Variants in PSME4 observed in about 807,000 individuals in gnomAD.
PSME4 encodes proteasome activator subunit 4.
Under a neutral mutation model 253.9 loss-of-function variants are expected in PSME4, and 89 were observed. That is an observed-to-expected ratio of 0.35 (90% CI 0.30 to 0.42). The LOEUF (loss-of-function observed/expected upper bound fraction) is 0.42, where lower values mean the gene tolerates loss of function less well. PSME4 is among the 10% of genes least tolerant of loss of function. The probability of loss-of-function intolerance (pLI) is 1.00; values close to 1 mark genes in which losing one functional copy is unlikely to be tolerated. For synonymous variants in PSME4, 851 were observed against 759.2 expected, an observed-to-expected ratio of 1.12 and a Z score of -1.99; for missense variants, 2,014 against 2,195.2, an observed-to-expected ratio of 0.92 and a Z score of 1.65.
chr2:53,942,835 C>T (rs891624111), intron 3 of PSME4, among the ~76,000 whole-genome samples: 2 of 152,186 alleles, frequency 1.3e-5, no homozygotes, highest in African/African-American at 4.8e-5. Context: ...TCCTCCCCAA[C>T]TGCCACCCTA....
At chr2:53,922,975 T>C (rs945116432) in intron 16 of PSME4, 74 bp downstream of exon 16, 1 of 1,174,160 alleles carries the variant, frequency 8.5e-7, no homozygotes, top group Admixed American at 2.6e-5. Context: ...TCTGTTGTCA[T>C]TAACAGAGTT....
At chr2:53,932,203 T>C (rs955815909) in intron 9 of PSME4, 103 bp from the exon 10 acceptor site, 2 of 1,084,436 alleles carry the variant, frequency 1.8e-6, no homozygotes, top group Admixed American at 4.5e-5. Flanking sequence ...AAAATAACAG[T>C]TCTTATTATC....
At chr2:53,921,783 G>A (rs144135685) in intron 17 of PSME4, among the ~76,000 whole-genome samples, 2 of 135,958 alleles carry the variant, frequency 1.5e-5, no homozygotes, top group Non-Finnish European at 3.2e-5. Context: ...CAGGAGAATG[G>A]CGTGAACCCG....
intron 12 of PSME4, among the ~76,000 whole-genome samples, chr2:53,926,735 G>A (rs984754524): frequency 2.0e-5 from 3 of 151,774 alleles, no homozygotes; most frequent in African/African-American, 7.3e-5. Flanking sequence ...GCATTTGGGA[G>A]GTCAAGGCGG....
chr2:53,918,754 A>G (rs1395627350), intron 20 of PSME4, among the ~76,000 whole-genome samples: 6 of 152,240 alleles, frequency 3.9e-5, no homozygotes, highest in Non-Finnish European at 8.8e-5. Flanking sequence ...ATCATAATGA[A>G]TAAGATTGAA....
chr2:53,954,844 A>C (rs1488257099), intron 1 of PSME4, among the ~76,000 whole-genome samples: 1 of 152,006 alleles, frequency 6.6e-6, no homozygotes. Context: ...TCTCAAAAAA[A>C]AAAATAACAA....
intron 20 of PSME4, among the ~76,000 whole-genome samples, chr2:53,916,180 G>T (rs1668054400): frequency 6.6e-6 from 1 of 151,018 alleles, no homozygotes; most frequent in Non-Finnish European, 1.5e-5. Context: ...CCAGGAGGTG[G>T]AGGTCGCAGT....
At chr2:53,922,733 T>C (rs1668382771) in intron 16 of PSME4, 149 bp from the exon 17 acceptor site, 1 of 1,072,570 alleles carries the variant, frequency 9.3e-7, no homozygotes, top group East Asian at 2.7e-5. Flanking sequence ...GCTGAGCTTG[T>C]TCCAAAAGGA....
intron 29 of PSME4, among the ~76,000 whole-genome samples, chr2:53,898,867 A>G (rs750422158): frequency 6.6e-6 from 1 of 152,194 alleles, no homozygotes; most frequent in Non-Finnish European, 1.5e-5. Context: ...AAAACAGTTT[A>G]TTAAAATCCT....
intron 3 of PSME4, among the ~76,000 whole-genome samples, chr2:53,943,219 GAAT>G (rs1213699551): frequency 6.6e-6 from 1 of 152,204 alleles, no homozygotes; most frequent in Non-Finnish European, 1.5e-5. Flanking sequence ...TTTAACTTCA[GAAT>G]AATATTTGCT....
At chr2:53,907,179 C>T (rs958951155) in intron 24 of PSME4, among the ~76,000 whole-genome samples, 3 of 152,134 alleles carry the variant, frequency 2.0e-5, no homozygotes, top group African/African-American at 2.4e-5. Flanking sequence ...ACTGAAAGTA[C>T]AAAAACAGCC....
At chr2:53,968,709 G>C (rs1209895938) in intron 1 of PSME4, among the ~76,000 whole-genome samples, 1 of 152,158 alleles carries the variant, frequency 6.6e-6, no homozygotes, top group Non-Finnish European at 1.5e-5. Flanking sequence ...AATGGTTATG[G>C]GTTCATGGGT....
At chr2:53,897,335 A>G (rs1253235109) in intron 31 of PSME4, among the ~76,000 whole-genome samples, 1 of 151,658 alleles carries the variant, frequency 6.6e-6, no homozygotes, top group African/African-American at 2.4e-5. Flanking sequence ...ATGCCCAGCT[A>G]ATTTTGTACT....
intron 20 of PSME4, among the ~76,000 whole-genome samples, chr2:53,915,309 C>CCCA (rs1668007552): frequency 6.6e-6 from 1 of 152,092 alleles, no homozygotes; most frequent in Non-Finnish European, 1.5e-5. Flanking sequence ...GGCATGGTGA[C>CCCA]CCACGCCTAT....
chr2:53,900,107 G>A, intron 28 of PSME4, 90 bp from the exon 29 acceptor site: 1 of 1,189,482 alleles, frequency 8.4e-7, no homozygotes. Flanking sequence ...AAGTGAAAGA[G>A]GCCAGACACA....
intron 15 of PSME4, 54 bp downstream of exon 15, chr2:53,923,267 T>C: frequency 5.8e-6 from 9 of 1,539,620 alleles, no homozygotes; most frequent in Admixed American, 2.1e-5. Context: ...ATTAACCATA[T>C]AAACTAGTTG....
intron 19 of PSME4, among the ~76,000 whole-genome samples, chr2:53,919,776 T>C (rs994854541): frequency 3.3e-5 from 5 of 152,158 alleles, no homozygotes; most frequent in Non-Finnish European, 5.9e-5. Flanking sequence ...AGTCTAATGG[T>C]TTCAAATACT....
intron 1 of PSME4, among the ~76,000 whole-genome samples, chr2:53,952,140 A>G (rs545357694): frequency 1.3e-5 from 2 of 152,320 alleles, no homozygotes; most frequent in East Asian, 3.9e-4. Context: ...GGCCTTGTCA[A>G]TATTCCAGAT....
chr2:53,869,346 G>A, intron 44 of PSME4, 30 bp downstream of exon 44: 1 of 1,570,726 alleles, frequency 6.4e-7, no homozygotes, highest in Non-Finnish European at 8.7e-7. Flanking sequence ...TTCCCAATAG[G>A]ATACAGGTGT....
Sources: gnomAD v4.1 joint callset for allele counts (sites outside exome capture counted in the v4.1 genomes callset) on GRCh38, gnomAD v4.1.1 for gene constraint, MANE v1.5 for transcripts, NCBI Gene and HGNC (gene_info 2026-07-23, HGNC 2026-07-21) for gene names.